SH3PXD2A: variants seen among roughly 807,000 people sequenced by gnomAD.
SH3PXD2A encodes SH3 and PX domains 2A, also known as SH3 and PX domain-containing protein 2A.
Under a neutral mutation model 115.2 loss-of-function variants are expected in SH3PXD2A, and 32 were observed. The observed-to-expected ratio is 0.28, with a 90% CI of 0.21 to 0.37. SH3PXD2A has a LOEUF of 0.37. Ranked by LOEUF, SH3PXD2A falls within the 10% of genes least tolerant of loss-of-function variation. The probability of loss-of-function intolerance (pLI) is 1.00; values close to 1 mark genes in which losing one functional copy is unlikely to be tolerated. For synonymous variants in SH3PXD2A, 610 were observed against 629.1 expected, an observed-to-expected ratio of 0.97 and a Z score of 0.45; for missense variants, 1,328 against 1,498.7, an observed-to-expected ratio of 0.89 and a Z score of 1.88.
At chr10:103,827,943 G>A (rs1423606991) in intron 1 of SH3PXD2A, among the ~76,000 whole-genome samples, 1 of 152,246 alleles carries the variant, frequency 6.6e-6, no homozygotes, top group Non-Finnish European at 1.5e-5. Flanking sequence ...GTGCCCCGCA[G>A]AGGACTGCTG....
chr10:103,663,570 C>G (rs1016080830), intron 7 of SH3PXD2A, among the ~76,000 whole-genome samples: 1 of 152,244 alleles, frequency 6.6e-6, no homozygotes, highest in Non-Finnish European at 1.5e-5. Flanking sequence ...TGCTGGGCTC[C>G]AGAGAGACAG....
chr10:103,617,564 G>T (rs1592264858), intron 10 of SH3PXD2A, among the ~76,000 whole-genome samples: 1 of 152,240 alleles, frequency 6.6e-6, no homozygotes, highest in South Asian at 2.1e-4. Flanking sequence ...TGTCAGGCAA[G>T]GCCCTGGGAG....
chr10:103,798,172 G>A (rs1445763860), intron 2 of SH3PXD2A, among the ~76,000 whole-genome samples: 1 of 152,150 alleles, frequency 6.6e-6, no homozygotes, highest in Non-Finnish European at 1.5e-5. Flanking sequence ...AACTTGTACA[G>A]GGGGGAACCA....
At chr10:103,628,108 G>C (rs1358480674) in intron 8 of SH3PXD2A, among the ~76,000 whole-genome samples, 2 of 152,232 alleles carry the variant, frequency 1.3e-5, no homozygotes, top group African/African-American at 4.8e-5. Context: ...GTGGGAGGAG[G>C]CTCTCGGGTG....
intron 9 of SH3PXD2A, among the ~76,000 whole-genome samples, chr10:103,624,494 C>T (rs898286941): frequency 3.9e-5 from 6 of 152,318 alleles, no homozygotes; most frequent in African/African-American, 1.4e-4. Flanking sequence ...GCACCTCTGT[C>T]AGTGGACAAG....
intron 3 of SH3PXD2A, among the ~76,000 whole-genome samples, chr10:103,762,632 C>T (rs1419932672): frequency 1.3e-5 from 2 of 152,286 alleles, no homozygotes; most frequent in Admixed American, 6.5e-5. Context: ...GCCAGTCCCA[C>T]GTGGGTCCAT....
intron 1 of SH3PXD2A, among the ~76,000 whole-genome samples, chr10:103,835,085 G>A (rs575549534): frequency 2.0e-5 from 3 of 152,324 alleles, no homozygotes; most frequent in South Asian, 4.1e-4. Flanking sequence ...GCCCTTTAAG[G>A]TTCTTGGGGA....
At chr10:103,656,485 G>A (rs1047339599) in intron 8 of SH3PXD2A, among the ~76,000 whole-genome samples, 3 of 152,204 alleles carry the variant, frequency 2.0e-5, no homozygotes, top group Non-Finnish European at 2.9e-5. Context: ...ATGGTCGGAT[G>A]AGAGGAGAAG....
At chr10:103,811,129 T>C (rs2039266659) in intron 1 of SH3PXD2A, among the ~76,000 whole-genome samples, 1 of 152,192 alleles carries the variant, frequency 6.6e-6, no homozygotes, top group African/African-American at 2.4e-5. Context: ...TTGGCCCCTC[T>C]GGGGCTGGAC....
intron 14 of SH3PXD2A, among the ~76,000 whole-genome samples, chr10:103,604,228 G>T (rs1424006754): frequency 6.6e-6 from 1 of 152,214 alleles, no homozygotes; most frequent in Non-Finnish European, 1.5e-5. Context: ...GGTCTCTAGG[G>T]TCAGAAGAGT....
chr10:103,766,985 T>G, intron 3 of SH3PXD2A, 109 bp downstream of exon 3: 2 of 782,444 alleles, frequency 2.6e-6, no homozygotes, highest in South Asian at 3.0e-5. Context: ...TGCAGATTCC[T>G]GGGCATGCCC....
chr10:103,687,402 G>A (rs1041891807), intron 6 of SH3PXD2A, among the ~76,000 whole-genome samples: 4 of 152,190 alleles, frequency 2.6e-5, no homozygotes, highest in African/African-American at 7.2e-5. Context: ...TCTCAGAGGC[G>A]AAGGGATTTG....
chr10:103,603,711 C>G lies in SH3PXD2A; in HGVS notation c.1507G>C (p.Asp503His). ...KEGWAPASYI[D>H]KRKKPNLSRR... The stretch of plus-strand genomic sequence containing the variant: ...CTCAGGTTGGGCTTCTTGCGCTTAT[C>G]GATGTATGATGCGGGGGCCCAGCCC... Residue 503 changes from aspartate to histidine, a missense_variant, in exon 15 of 15, where the codon GAT becomes CAT. Around this residue, in one of 5 missense-constraint regions of SH3PXD2A, gnomAD observed 509 missense variants for 628.3 expected, o/e 0.81. Transcript: ENST00000369774. 1 of 1,610,922 alleles carries G rather than the reference C, an allele frequency of 6.2e-7. No individual in the cohort carries two copies. The highest frequency in any genetic ancestry group is 8.5e-7 in the Non-Finnish European group (1 of 1,179,762).
At chr10:103,853,145 G>A (rs908157010) in intron 1 of SH3PXD2A, among the ~76,000 whole-genome samples, 5 of 152,174 alleles carry the variant, frequency 3.3e-5, no homozygotes, top group South Asian at 2.1e-4. Flanking sequence ...CTCGGGAAGC[G>A]GAGATGTCCC....
intron 10 of SH3PXD2A, among the ~76,000 whole-genome samples, chr10:103,618,022 C>T (rs2036545895): frequency 1.3e-5 from 2 of 152,244 alleles, no homozygotes; most frequent in South Asian, 4.1e-4. Flanking sequence ...CACAATCAGG[C>T]AGCACTGGCC....
intron 8 of SH3PXD2A, among the ~76,000 whole-genome samples, chr10:103,659,370 CAGA>C (rs1299901472): frequency 2.6e-5 from 4 of 152,196 alleles, no homozygotes; most frequent in African/African-American, 9.6e-5. Context: ...CTTCCCTAGC[CAGA>C]AGTTCTGAGA....
At chr10:103,677,349 C>T (rs1473904391) in intron 6 of SH3PXD2A, among the ~76,000 whole-genome samples, 1 of 152,152 alleles carries the variant, frequency 6.6e-6, no homozygotes, top group African/African-American at 2.4e-5. Flanking sequence ...TTTGGGGAGA[C>T]AGGCTGGGTC....
chr10:103,749,961 G>A (rs1225375707), intron 3 of SH3PXD2A: 5 of 152,180 alleles, frequency 3.3e-5, no homozygotes, highest in East Asian at 3.9e-4. Context: ...GCTGAATCTC[G>A]ACTATAACCT....
chr10:103,728,156 A>G (rs1055185619), intron 4 of SH3PXD2A, among the ~76,000 whole-genome samples: 1 of 152,252 alleles, frequency 6.6e-6, no homozygotes, highest in Non-Finnish European at 1.5e-5. Context: ...TCAGGGCTGC[A>G]GGCAGATGCA....
Sources: allele counts gnomAD v4.1 joint callset (sites outside exome capture counted in the v4.1 genomes callset), GRCh38; gene constraint gnomAD v4.1.1; regional missense constraint gnomAD v4.1.1; transcripts MANE v1.5; gene names NCBI Gene and HGNC (gene_info 2026-07-23, HGNC 2026-07-21).